The following UBAC2 variants were observed in gnomAD, a reference collection of about 807,000 sequenced individuals.
UBAC2 encodes ubiquitin-associated domain-containing protein 2.
A neutral mutation model predicts 44.0 loss-of-function variants in UBAC2; 26 were observed. The ratio of observed to expected loss-of-function variants is 0.59; its 90% confidence interval spans 0.43 to 0.82. The LOEUF (loss-of-function observed/expected upper bound fraction) is 0.82, where lower values mean the gene tolerates loss of function less well. Ranked by LOEUF, UBAC2 falls within the 40% of genes least tolerant of loss-of-function variation. The probability of loss-of-function intolerance (pLI) is 0.00; values close to 1 mark genes in which losing one functional copy is unlikely to be tolerated. For missense variants in UBAC2, 329 were observed against 419.4 expected, an observed-to-expected ratio of 0.78 and a Z score of 1.88; for synonymous variants, 155 against 154.3, an observed-to-expected ratio of 1.00 and a Z score of -0.04.
intron 1 of UBAC2, among the ~76,000 whole-genome samples, chr13:99,204,925 G>A (rs1440003229): frequency 4.7e-5 from 5 of 105,594 alleles, no homozygotes; most frequent in Non-Finnish European, 7.3e-5. Flanking sequence ...TTTTTTTTGC[G>A]ACGGAGTCTT....
chr13:99,338,061 T>TA (rs2044824532), intron 6 of UBAC2, among the ~76,000 whole-genome samples: 4 of 98,470 alleles, frequency 4.1e-5, no homozygotes, highest in Non-Finnish European at 6.7e-5. Context: ...TTTTTTTTTT[T>TA]TTTTTTTTTT....
chr13:99,292,770 T>G (rs1445558674), intron 4 of UBAC2, among the ~76,000 whole-genome samples: 1 of 151,888 alleles, frequency 6.6e-6, no homozygotes, highest in African/African-American at 2.4e-5. Flanking sequence ...TTTTCCCAGA[T>G]TAGTTTTTCT....
intron 1 of UBAC2, among the ~76,000 whole-genome samples, chr13:99,221,727 C>T (rs944017656): frequency 3.9e-5 from 6 of 152,124 alleles, no homozygotes; most frequent in Non-Finnish European, 5.9e-5. Flanking sequence ...CAAGGCTTCT[C>T]GGAAAGTCCT....
intron 8 of UBAC2, among the ~76,000 whole-genome samples, chr13:99,379,724 A>G (rs532133378): frequency 2.6e-5 from 4 of 152,178 alleles, no homozygotes; most frequent in Non-Finnish European, 5.9e-5. Context: ...CAGATCCTAT[A>G]TGGTGGTCAC....
At chr13:99,302,737 C>G (rs1217469659) in intron 4 of UBAC2, among the ~76,000 whole-genome samples, 1 of 152,192 alleles carries the variant, frequency 6.6e-6, no homozygotes, top group Non-Finnish European at 1.5e-5. Flanking sequence ...GAGCTGTGAC[C>G]AGCATAGTCA....
intron 7 of UBAC2, 88 bp from the exon 8 acceptor site, chr13:99,367,699 T>A (rs2045349163): frequency 6.5e-7 from 1 of 1,546,176 alleles, no homozygotes; most frequent in African/African-American, 1.4e-5. Flanking sequence ...AGTCTATAGA[T>A]GTAACTGCAT....
chr13:99,334,964 G>A (rs1327731557), intron 6 of UBAC2, among the ~76,000 whole-genome samples: 1 of 152,146 alleles, frequency 6.6e-6, no homozygotes, highest in East Asian at 1.9e-4. Context: ...CCATAAGAAA[G>A]CTGAAATGGC....
At chr13:99,236,378 T>C (rs2043233105) in intron 1 of UBAC2, among the ~76,000 whole-genome samples, 1 of 152,130 alleles carries the variant, frequency 6.6e-6, no homozygotes, top group African/African-American at 2.4e-5. Context: ...AAAACCCAAA[T>C]AGTCCATTTT....
intron 7 of UBAC2, among the ~76,000 whole-genome samples, chr13:99,343,803 CTT>C (rs1042604626): frequency 2.6e-5 from 4 of 152,346 alleles, no homozygotes; most frequent in African/African-American, 9.6e-5. Flanking sequence ...GTAGAGAACT[CTT>C]TTGTTAAACC....
At chr13:99,321,348 A>C (rs1462019811) in intron 6 of UBAC2, among the ~76,000 whole-genome samples, 1 of 152,080 alleles carries the variant, frequency 6.6e-6, no homozygotes, top group African/African-American at 2.4e-5. Context: ...TCGCTGTGTC[A>C]CTCAGGCTGG....
chr13:99,213,689 G>GT (rs575355664), intron 1 of UBAC2, among the ~76,000 whole-genome samples: 5 of 151,814 alleles, frequency 3.3e-5, no homozygotes, highest in Non-Finnish European at 5.9e-5. Context: ...ACTAAAATAA[G>GT]TTTTTTTTGC....
rs1418433414 is a variant in UBAC2, at chr13:99,329,294, C to T, written c.562-11026C>T. Among the ~76,000 whole-genome samples, 3 of 152,138 alleles carry T rather than the reference C, an allele frequency of 2.0e-5. No homozygotes were observed. In the East Asian group the frequency reaches 5.8e-4, roughly 29 times the overall value. ...TTTTAGGACACTGACTTTTAATATA[C>T]ACTCTACAATCAGCCTGTAATTTCT... On this transcript the variant is annotated intron_variant, in intron 6 of 8. Transcript: ENST00000403766.
chr13:99,225,263 A>G (rs2043098767), intron 1 of UBAC2, among the ~76,000 whole-genome samples: 1 of 152,202 alleles, frequency 6.6e-6, no homozygotes, highest in Admixed American at 6.5e-5. Flanking sequence ...CATCTTGCAG[A>G]AATGAAACTC....
At chr13:99,326,507 T>A (rs1460006388) in intron 6 of UBAC2, among the ~76,000 whole-genome samples, 1 of 152,224 alleles carries the variant, frequency 6.6e-6, no homozygotes, top group Non-Finnish European at 1.5e-5. Context: ...CTAAAAATAA[T>A]TTTTTAGTTT....
chr13:99,329,314 A>G (rs1555329871), intron 6 of UBAC2, among the ~76,000 whole-genome samples: 2 of 152,122 alleles, frequency 1.3e-5, no homozygotes, highest in Non-Finnish European at 2.9e-5. Context: ...TCAGCCTGTA[A>G]TTTCTTCAAA....
intron 7 of UBAC2, among the ~76,000 whole-genome samples, chr13:99,365,167 AT>A (rs1037655199): frequency 5.8e-4 from 88 of 152,130 alleles, no homozygotes; most frequent in Non-Finnish European, 1.2e-3. Context: ...CCCTTGTATT[AT>A]TCTTAATACT....
At chr13:99,359,560 C>T (rs1200367613) in intron 7 of UBAC2, among the ~76,000 whole-genome samples, 1 of 152,160 alleles carries the variant, frequency 6.6e-6, no homozygotes, top group Non-Finnish European at 1.5e-5. Flanking sequence ...AGCTTCCCAG[C>T]CACTGTGCCA....
rs114468645 is a variant in UBAC2 at position 99,351,853 on chromosome 13, T to C, written c.807+11288T>C. 1.7e-3 allele frequency: 772 copies of C among 443,312 alleles called. 4 individuals carry two copies. The highest frequency in any genetic ancestry group is 0.014 in the African/African-American group (678 of 49,694). The allele number at this position is 443,312 out of a possible 1,614,324, so 27.5% of individuals were successfully genotyped here. A position where few individuals can be genotyped will look rare whatever the true frequency, so the allele number is the denominator to read the frequency against. The stretch of plus-strand genomic sequence containing the variant: ...TCTCATTGGGCTGCCCGGTGTTAAC[T>C]GGTTGATTATCACCTCTGTGTTTTG... On this transcript the variant is annotated intron_variant, in intron 7 of 8. Transcript: ENST00000403766.
chr13:99,380,874 C>T (rs1417438358), intron 8 of UBAC2, among the ~76,000 whole-genome samples: 1 of 152,210 alleles, frequency 6.6e-6, no homozygotes, highest in Non-Finnish European at 1.5e-5. Flanking sequence ...CTTGTCTTCT[C>T]ACCCATAAAA....
Sources: gnomAD v4.1 joint callset for allele counts (sites outside exome capture counted in the v4.1 genomes callset) on GRCh38, gnomAD v4.1.1 for gene constraint, MANE v1.5 for transcripts, NCBI Gene and HGNC (gene_info 2026-07-23, HGNC 2026-07-21) for gene names.